RGS6: variants seen among roughly 807,000 people sequenced by gnomAD.
RGS6 encodes regulator of G-protein signaling 6.
RGS6 carries 30 observed loss-of-function variants against 78.5 expected under a neutral mutation model. The observed-to-expected ratio is 0.38, with a 90% confidence interval of 0.29 to 0.52. The LOEUF is 0.52. Ranked by LOEUF, RGS6 falls within the 20% of genes least tolerant of loss-of-function variation. The pLI is 0.85. For synonymous variants in RGS6, 206 were observed against 206.0 expected (o/e 1.00, Z 0.00); for missense variants, 495 against 609.7 (o/e 0.81, Z 1.98).
At chr14:72,501,326 T>G (rs1475717521) in intron 13 of RGS6, among the ~76,000 whole-genome samples, 2 of 152,138 alleles carry the variant, frequency 1.3e-5, no homozygotes, top group African/African-American at 4.8e-5. Context: ...AAATTGTGCT[T>G]TAATTCTTTC....
intron 2 of RGS6, among the ~76,000 whole-genome samples, chr14:72,277,616 T>A (rs2060896290): frequency 6.6e-6 from 1 of 150,566 alleles, no homozygotes; most frequent in African/African-American, 2.5e-5. Context: ...AAAAAAAATT[T>A]TAAATTTAAA....
chr14:72,456,710 TG>T (rs1189128143), intron 4 of RGS6, among the ~76,000 whole-genome samples: 1 of 152,148 alleles, frequency 6.6e-6, no homozygotes, highest in East Asian at 1.9e-4. Flanking sequence ...CTTTCTTCTC[TG>T]GGGAAGGAGC....
At chr14:71,872,412 G>A in the RGS6 span, among the ~76,000 whole-genome samples, 6 of 152,098 alleles carry the variant, frequency 3.9e-5, no homozygotes, top group African/African-American at 7.2e-5. Context: ...TCAGCTTAAC[G>A]CAGTGCTGTC....
intron 2 of RGS6, among the ~76,000 whole-genome samples, chr14:72,325,105 A>C (rs1312987869): frequency 6.6e-6 from 1 of 152,222 alleles, no homozygotes; most frequent in East Asian, 1.9e-4. Context: ...TCTGATGGCC[A>C]GTGATGATGA....
chr14:72,500,027 A>G (rs561824400), intron 13 of RGS6, among the ~76,000 whole-genome samples: 1 of 152,386 alleles, frequency 6.6e-6, no homozygotes, highest in Admixed American at 6.5e-5. Flanking sequence ...GGAGAGGCAA[A>G]TGTGTGAACC....
chr14:72,448,963 G>A (rs1482209678), intron 3 of RGS6, among the ~76,000 whole-genome samples: 2 of 152,152 alleles, frequency 1.3e-5, no homozygotes, highest in Non-Finnish European at 2.9e-5. Flanking sequence ...TGCGATAACA[G>A]GGTCAAGTGC....
intron 6 of RGS6, 43 bp from the exon 7 acceptor site, chr14:72,465,715 G>A: frequency 1.4e-6 from 2 of 1,422,130 alleles, no homozygotes; most frequent in Non-Finnish European, 2.0e-6. Context: ...ATTCCATTGT[G>A]CTGCTGGTTT....
intron 2 of RGS6, among the ~76,000 whole-genome samples, chr14:72,089,773 C>T (rs1191403550): frequency 6.6e-6 from 1 of 152,190 alleles, no homozygotes; most frequent in Non-Finnish European, 1.5e-5. Context: ...TTTCTTCACC[C>T]AGCCTCCTCC....
intron 2 of RGS6, among the ~76,000 whole-genome samples, chr14:72,346,701 G>T (rs1301425575): frequency 1.3e-5 from 2 of 152,338 alleles, no homozygotes; most frequent in East Asian, 3.9e-4. Flanking sequence ...GTGAAGTCCA[G>T]ATAGGTGAAG....
At chr14:72,157,290 G>A (rs915795860) in intron 2 of RGS6, among the ~76,000 whole-genome samples, 1 of 152,168 alleles carries the variant, frequency 6.6e-6, no homozygotes, top group East Asian at 1.9e-4. Context: ...AAATGATTCC[G>A]TGGAGAGTGT....
intron 2 of RGS6, among the ~76,000 whole-genome samples, chr14:72,257,124 A>T (rs1279008540): frequency 6.6e-6 from 1 of 152,182 alleles, no homozygotes; most frequent in South Asian, 2.1e-4. Context: ...TGTTCTAGGG[A>T]TTTAATATCC....
chr14:72,017,646 G>C (rs2087345037), intron 2 of RGS6, among the ~76,000 whole-genome samples: 1 of 152,210 alleles, frequency 6.6e-6, no homozygotes, highest in South Asian at 2.1e-4. Context: ...GGGTTGAACA[G>C]AGGCAGTGAT....
chr14:72,595,997 TAAG>T, the RGS6 span, among the ~76,000 whole-genome samples: 1 of 152,196 alleles, frequency 6.6e-6, no homozygotes, highest in Non-Finnish European at 1.5e-5. Context: ...TTGTATAGCC[TAAG>T]AAGACACTCA....
intron 3 of RGS6, among the ~76,000 whole-genome samples, chr14:72,439,026 G>A (rs745904122): frequency 6.6e-6 from 1 of 152,160 alleles, no homozygotes; most frequent in African/African-American, 2.4e-5. Flanking sequence ...AGAGTCACAC[G>A]ACCATCTCCT....
chr14:72,217,159 A>T (rs929586235), intron 2 of RGS6, among the ~76,000 whole-genome samples: 20 of 152,212 alleles, frequency 1.3e-4, no homozygotes, highest in African/African-American at 4.6e-4. Context: ...ATGAGAGAAA[A>T]CCCACATGCA....
Position 72,194,322 on chromosome 14 carries a change from A to G in RGS6, c.85-157773A>G, listed in dbSNP as rs577152173. Among the ~76,000 whole-genome samples, 10 of 152,322 alleles carry G rather than the reference A, an allele frequency of 6.6e-5. 1 individual carries two copies. The Middle Eastern group carries it at 0.014, about 207-fold the overall frequency. ...CTGGGTGATGGCTATACCGGTAAAC[A>G]GAATAGTCAAAGCTTCCTGCCCTTG... On this transcript the variant is annotated intron_variant, in intron 2 of 17. Coordinates refer to ENST00000553525, the MANE Select transcript of RGS6 (RefSeq NM_001204424.2).
intron 2 of RGS6, among the ~76,000 whole-genome samples, chr14:72,266,010 A>G (rs559271579): frequency 9.2e-5 from 14 of 151,798 alleles, no homozygotes; most frequent in African/African-American, 3.1e-4. Flanking sequence ...TGTATGCTCT[A>G]TAGCAAACTA....
chr14:71,909,220 G>A, the RGS6 span, among the ~76,000 whole-genome samples: 1 of 152,090 alleles, frequency 6.6e-6, no homozygotes, highest in African/African-American at 2.4e-5. Context: ...TTCTGAGGAC[G>A]CCCTACTCTG....
chr14:72,350,916 A>T (rs1006542449), intron 2 of RGS6, among the ~76,000 whole-genome samples: 6 of 152,264 alleles, frequency 3.9e-5, no homozygotes, highest in African/African-American at 1.2e-4. Context: ...TAAATTTTTA[A>T]TATATTTTAG....
Sources: allele counts gnomAD v4.1 joint callset (sites outside exome capture counted in the v4.1 genomes callset), GRCh38; gene constraint gnomAD v4.1.1; transcripts MANE v1.5; gene names NCBI Gene and HGNC (gene_info 2026-07-23, HGNC 2026-07-21).